The following FAM156A variants were observed in gnomAD, a reference collection of about 807,000 sequenced individuals.
FAM156A encodes family with sequence similarity 156 member A.
chrX:52,993,110 T>C (rs965780119), intron 1 of FAM156A, among the ~76,000 whole-genome samples: 5 of 111,517 alleles, frequency 4.5e-5, no homozygotes, highest in African/African-American at 1.6e-4. Flanking sequence ...GAAATAGAGA[T>C]GGGGACACCA....
At chrX:52,982,337 C>T (rs1929969919) in intron 1 of FAM156A, among the ~76,000 whole-genome samples, 1 of 110,543 alleles carries the variant, frequency 9.0e-6, no homozygotes, top group Non-Finnish European at 1.9e-5. Flanking sequence ...ACCTGTAATC[C>T]CAGCTACTCG....
intron 1 of FAM156A, among the ~76,000 whole-genome samples, chrX:52,974,983 A>G (rs1929338248): frequency 9.2e-6 from 1 of 109,107 alleles, no homozygotes; most frequent in African/African-American, 3.3e-5. Context: ...GGTCAGAAGC[A>G]AGACAGAGCA....
intron 1 of FAM156A, among the ~76,000 whole-genome samples, chrX:52,975,890 T>C (rs1328240623): frequency 5.4e-5 from 6 of 111,944 alleles, no homozygotes; most frequent in Non-Finnish European, 7.5e-5. Context: ...CCTCCTCTTA[T>C]GGACATGCGG....
intron 1 of FAM156A, among the ~76,000 whole-genome samples, chrX:52,984,051 C>T (rs782091718): frequency 2.7e-5 from 3 of 111,408 alleles, no homozygotes; most frequent in African/African-American, 9.8e-5. Context: ...CGATTATTTG[C>T]TGGGAGGACG....
rs1256059149 is a variant in FAM156A at position 52,977,087 on chromosome X, T to TAC, written c.-433-12854_-433-12853dup. ...ATACATATACATATATACATATATA[T>TAC]ACACACACACACACACACATATATA... On this transcript the variant is annotated intron_variant, in intron 1 of 4. Transcript: ENST00000610625. Among the ~76,000 whole-genome samples, 920 of 93,939 alleles carry TAC rather than the reference T, an allele frequency of 9.8e-3. 8 individuals carry two copies. Among genetic ancestry groups the TAC allele is most frequent in the African/African-American group, 0.026 (663 of 25,533 alleles). 81.6% of individuals were successfully genotyped at this position (93,939 alleles called of 115,157 possible).
At chrX:52,980,974 A>C (rs1929862370) in intron 1 of FAM156A, among the ~76,000 whole-genome samples, 1 of 108,021 alleles carries the variant, frequency 9.3e-6, no homozygotes, top group Admixed American at 9.9e-5. Context: ...GTCTCGAGGC[A>C]GAATTTTTTC....
intron 1 of FAM156A, among the ~76,000 whole-genome samples, chrX:52,976,639 G>A (rs1556792318): frequency 1.8e-5 from 2 of 111,157 alleles, no homozygotes; most frequent in East Asian, 2.8e-4. Flanking sequence ...AACAAGTAGT[G>A]TGTTTATAAT....
At chrX:52,980,652 G>A (rs924454089) in intron 1 of FAM156A, among the ~76,000 whole-genome samples, 1 of 111,923 alleles carries the variant, frequency 8.9e-6, no homozygotes, top group African/African-American at 3.2e-5. Context: ...CTGGCAGTCT[G>A]CAGAGGGTGG....
At chrX:52,986,141 T>C (rs782542894) in intron 1 of FAM156A, among the ~76,000 whole-genome samples, 253 of 109,757 alleles carry the variant, frequency 2.3e-3, no homozygotes, top group African/African-American at 7.9e-3. Flanking sequence ...TACCCAGTAA[T>C]GGGATGGCTG....
intron 1 of FAM156A, chrX:52,995,261 A>T (rs1489664890): frequency 8.9e-6 from 1 of 112,631 alleles, no homozygotes; most frequent in Admixed American, 9.4e-5. Context: ...GCGCCAGACT[A>T]GGCTTGTCAC....
intron 1 of FAM156A, among the ~76,000 whole-genome samples, chrX:52,980,782 CTGTGTGTGTGTGTGTGTGTGTGTGTGTG>C (rs1156303085): frequency 4.7e-4 from 18 of 38,452 alleles, no homozygotes; most frequent in East Asian, 1.0e-3. Flanking sequence ...TAGGGTTCCT[CTGTGTGTGTGTGTGTGTGTGTGTGTGTG>C]TGTGTGTGTG....
chrX:52,983,696 G>A (rs1020162695), intron 1 of FAM156A, among the ~76,000 whole-genome samples: 10 of 112,179 alleles, frequency 8.9e-5, no homozygotes, highest in African/African-American at 3.2e-4. Context: ...GTTTGGAAGA[G>A]AGGACAAAAA....
chrX:52,982,382 A>G (rs1285491424), intron 1 of FAM156A, among the ~76,000 whole-genome samples: 1 of 111,724 alleles, frequency 9.0e-6, no homozygotes, highest in Non-Finnish European at 1.9e-5. Flanking sequence ...TGAGCCTGGA[A>G]GGCGGAGGTT....
chrX:52,980,097 T>C (rs1929748721), intron 1 of FAM156A, among the ~76,000 whole-genome samples: 1 of 112,187 alleles, frequency 8.9e-6, no homozygotes, highest in South Asian at 3.7e-4. Context: ...TGGATTTTTT[T>C]CCATATATAT....
chrX:52,989,382 C>T lies in FAM156A; in HGVS notation c.-434+5924G>A, dbSNP rs782610836. Among the ~76,000 whole-genome samples, 8 of 112,357 alleles carry T rather than the reference C, an allele frequency of 7.1e-5. No individual in the cohort carries two copies. The South Asian group carries it at 2.6e-3, about 36-fold the overall frequency. On this transcript the variant is annotated intron_variant, in intron 1 of 4. Coordinates refer to the FAM156A transcript ENST00000610625. The stretch of plus-strand genomic sequence containing the variant: ...CCTGAGGTGGCCGCATCTGTCCTTC[C>T]CCACCAACCCTGACCCACTCCTCCT...
intron 1 of FAM156A, among the ~76,000 whole-genome samples, chrX:52,986,665 GA>G (rs139323374): frequency 1.2e-4 from 13 of 104,486 alleles, no homozygotes; most frequent in South Asian, 4.0e-4. Context: ...CATAATTAAA[GA>G]AAAAAAAAAC....
chrX:52,990,853 A>AAAGAAAAGAT (rs1569209023), intron 1 of FAM156A, among the ~76,000 whole-genome samples: 50 of 109,409 alleles, frequency 4.6e-4, no homozygotes, highest in African/African-American at 1.7e-3. Context: ...AAAGAAAAGA[A>AAAGAAAAGAT]AAGATGCTGG....
chrX:52,980,138 G>A (rs991154266), intron 1 of FAM156A, among the ~76,000 whole-genome samples: 5 of 111,932 alleles, frequency 4.5e-5, no homozygotes, highest in Non-Finnish European at 7.5e-5. Flanking sequence ...GGCGGGGGCC[G>A]GGGCTTGTAT....
chrX:52,974,795 C>T (rs1364484638), intron 1 of FAM156A, among the ~76,000 whole-genome samples: 3 of 110,757 alleles, frequency 2.7e-5, no homozygotes, highest in Non-Finnish European at 5.7e-5. Flanking sequence ...GGTCACAGTG[C>T]TCCCATAAAC....
Sources: gnomAD v4.1 joint callset for allele counts (sites outside exome capture counted in the v4.1 genomes callset) on GRCh38, gnomAD v4.1.1 for gene constraint, MANE v1.5 for transcripts, NCBI Gene and HGNC (gene_info 2026-07-23, HGNC 2026-07-21) for gene names.